Variants in PTPRD observed in about 807,000 individuals in gnomAD.
PTPRD encodes the protein protein tyrosine phosphatase receptor type D.
Under a neutral mutation model 214.5 loss-of-function variants are expected in PTPRD, and 34 were observed. The observed-to-expected ratio is 0.16, with a 90% CI of 0.12 to 0.21. PTPRD has a LOEUF of 0.21. Ranked by LOEUF, PTPRD falls within the 10% of genes least tolerant of loss-of-function variation. The pLI, the probability that PTPRD is intolerant of heterozygous loss-of-function variation, is 1.00. For missense variants in PTPRD, 2,545 were observed against 2,398.7 expected, an observed-to-expected ratio of 1.06 and a Z score of -1.27; for synonymous variants, 1,128 against 845.7, an observed-to-expected ratio of 1.33 and a Z score of -5.79.
At chr9:9,201,857 A>G (rs531587157) in intron 9 of PTPRD, among the ~76,000 whole-genome samples, 117 of 152,362 alleles carry the variant, frequency 7.7e-4, no homozygotes, top group African/African-American at 2.4e-3. Flanking sequence ...TACCATGCAG[A>G]AAGCCTACAA....
chr9:10,296,220 A>G (rs545788071), intron 3 of PTPRD, among the ~76,000 whole-genome samples: 2 of 152,146 alleles, frequency 1.3e-5, no homozygotes, highest in South Asian at 2.1e-4. Flanking sequence ...TTAAATTTCT[A>G]TTTACTGCAT....
intron 14 of PTPRD, among the ~76,000 whole-genome samples, chr9:8,530,496 G>A (rs909263764): frequency 1.3e-4 from 19 of 151,890 alleles, no homozygotes; most frequent in Non-Finnish European, 2.1e-4. Flanking sequence ...CCATAGCAGC[G>A]GCTACTCAAA....
intron 11 of PTPRD, among the ~76,000 whole-genome samples, chr9:8,772,504 C>A (rs939870733): frequency 1.3e-5 from 2 of 151,858 alleles, no homozygotes; most frequent in Admixed American, 6.6e-5. Flanking sequence ...GAAAAATCAG[C>A]TTGGTGTAGT....
intron 7 of PTPRD, among the ~76,000 whole-genome samples, chr9:9,589,007 A>G (rs989480411): frequency 1.3e-5 from 2 of 151,922 alleles, no homozygotes; most frequent in African/African-American, 4.8e-5. Flanking sequence ...GTTCAATTTT[A>G]ATTTTTATGT....
chr9:10,511,569 ATTTTTT>A (rs66768632), intron 2 of PTPRD, among the ~76,000 whole-genome samples: 2 of 127,860 alleles, frequency 1.6e-5, no homozygotes, highest in Admixed American at 8.1e-5. Context: ...ACACCCTGGT[ATTTTTT>A]TTTTTTTTTT....
chr9:10,018,729 T>G (rs1216392130), intron 4 of PTPRD, among the ~76,000 whole-genome samples: 1 of 150,580 alleles, frequency 6.6e-6, no homozygotes, highest in African/African-American at 2.4e-5. Flanking sequence ...TTTTGTATTT[T>G]TAGTAGAGAC....
intron 11 of PTPRD, among the ~76,000 whole-genome samples, chr9:8,821,583 C>T (rs2097064780): frequency 6.6e-6 from 1 of 152,200 alleles, no homozygotes. Flanking sequence ...CTCTTCTTTC[C>T]TCCACTTTGT....
At chr9:9,921,432 TGATTTAA>T (rs1158151672) in intron 5 of PTPRD, among the ~76,000 whole-genome samples, 2 of 151,930 alleles carry the variant, frequency 1.3e-5, no homozygotes, top group Non-Finnish European at 2.9e-5. Context: ...AAAATAATAA[TGATTTAA>T]GAGCTATGAC....
chr9:8,586,922 C>T (rs146788565), intron 14 of PTPRD, among the ~76,000 whole-genome samples: 238 of 152,220 alleles, frequency 1.6e-3, no homozygotes, highest in African/African-American at 5.3e-3. Context: ...CTGAGGTGGG[C>T]GGACCATGAG....
chr9:9,040,167 A>C (rs1480212907), intron 10 of PTPRD, among the ~76,000 whole-genome samples: 6 of 152,180 alleles, frequency 3.9e-5, no homozygotes, highest in Admixed American at 3.9e-4. Flanking sequence ...TATGAAACTC[A>C]AGTTTATGCT....
At chr9:10,184,619 T>C (rs187906738) in intron 3 of PTPRD, among the ~76,000 whole-genome samples, 147 of 152,268 alleles carry the variant, frequency 9.7e-4, no homozygotes, top group Non-Finnish European at 1.7e-3. Context: ...TTTTGGTGAA[T>C]AGTGGAATTA....
intron 7 of PTPRD, among the ~76,000 whole-genome samples, chr9:9,658,453 C>T (rs1453950208): frequency 6.6e-6 from 1 of 152,006 alleles, no homozygotes; most frequent in East Asian, 1.9e-4. Flanking sequence ...GAAAGATTTC[C>T]TTCTTTACTG....
rs1291054044 is a variant in PTPRD, at chr9:8,730,412, A to G, written c.64+3368T>C. On this transcript the variant is annotated intron_variant, in intron 12 of 45. Transcript: ENST00000381196. Reference sequence around the variant, plus strand: ...ATGGATGAACTAAACCATCTGAGGAATTAAATTATGAAGAGTGTGTCTCTA... The same window carrying G: ...ATGGATGAACTAAACCATCTGAGGAGTTAAATTATGAAGAGTGTGTCTCTA... Among the ~76,000 whole-genome samples, 6 of 152,210 alleles carry G rather than the reference A, an allele frequency of 3.9e-5. No individual in the cohort carries two copies. In the East Asian group the frequency reaches 1.2e-3, roughly 29 times the overall value.
intron 11 of PTPRD, among the ~76,000 whole-genome samples, chr9:8,775,909 A>C (rs1282053531): frequency 6.6e-6 from 1 of 152,228 alleles, no homozygotes; most frequent in Non-Finnish European, 1.5e-5. Context: ...ACTACTATTC[A>C]CATGAACAGC....
intron 37 of PTPRD, among the ~76,000 whole-genome samples, chr9:8,387,337 G>C (rs61110707): frequency 0.026 from 3,921 of 152,260 alleles, 166 homozygotes; most frequent in African/African-American, 0.089. Flanking sequence ...ATCAGATGTT[G>C]CAGTGGCAGT....
chr9:9,481,154 C>A (rs901199056), intron 8 of PTPRD, among the ~76,000 whole-genome samples: 4 of 151,734 alleles, frequency 2.6e-5, no homozygotes, highest in Non-Finnish European at 5.9e-5. Context: ...TGGAGTGTAG[C>A]GAGGATGAGG....
intron 8 of PTPRD, among the ~76,000 whole-genome samples, chr9:9,477,603 G>C (rs2382015): frequency 0.69 from 105,241 of 152,018 alleles, 36,494 homozygotes; most frequent in South Asian, 0.73. Context: ...GAAAGGGTAA[G>C]ACCCAAAACA....
intron 7 of PTPRD, among the ~76,000 whole-genome samples, chr9:9,575,996 G>A (rs181525674): frequency 3.1e-4 from 47 of 152,094 alleles, no homozygotes; most frequent in African/African-American, 1.1e-3. Context: ...ATTCATAAAT[G>A]ACTGGTAGGT....
chr9:9,812,634 T>G (rs1351181841), intron 5 of PTPRD, among the ~76,000 whole-genome samples: 1 of 152,140 alleles, frequency 6.6e-6, no homozygotes, highest in Non-Finnish European at 1.5e-5. Context: ...TAAATATACA[T>G]GTACTCTATA....
Sources: gnomAD v4.1 joint callset for allele counts (sites outside exome capture counted in the v4.1 genomes callset) on GRCh38, gnomAD v4.1.1 for gene constraint, MANE v1.5 for transcripts, NCBI Gene and HGNC (gene_info 2026-07-23, HGNC 2026-07-21) for gene names.